SLAMF6: variants seen among roughly 807,000 people sequenced by gnomAD.
SLAMF6 encodes SLAM family member 6, also known as NK-T-B-antigen.
In SLAMF6, 21 loss-of-function variants were observed where a neutral mutation model predicts 38.3. The observed-to-expected ratio is 0.55, with a 90% confidence interval of 0.39 to 0.79. The LOEUF is 0.79. Among genes scored for constraint, SLAMF6 ranks in the 30% least tolerant of loss-of-function variants. The probability of loss-of-function intolerance (pLI) is 0.00; values close to 1 mark genes in which losing one functional copy is unlikely to be tolerated. For synonymous variants in SLAMF6, 152 were observed against 146.3 expected (o/e 1.04, Z -0.28); for missense variants, 341 against 385.3 (o/e 0.89, Z 0.96).
At chr1:160,504,883 T>G (rs995619067) in intron 1 of SLAMF6, among the ~76,000 whole-genome samples, 5 of 152,140 alleles carry the variant, frequency 3.3e-5, no homozygotes, top group Admixed American at 1.3e-4. Flanking sequence ...CTTAGAAAAG[T>G]TCTGAGAAGA....
At chr1:160,490,299 A>T in intron 4 of SLAMF6, 63 bp from the exon 5 acceptor site, 4 of 1,608,520 alleles carry the variant, frequency 2.5e-6, no homozygotes, top group Non-Finnish European at 3.4e-6. Flanking sequence ...TTCACCCCTA[A>T]CCCCGTGAGT....
At chr1:160,491,485 C>G in intron 2 of SLAMF6, 97 bp from the exon 3 acceptor site, 1 of 1,506,296 alleles carries the variant, frequency 6.6e-7, no homozygotes, top group Non-Finnish European at 8.9e-7. Flanking sequence ...TGTATTTCAC[C>G]TTTGCTGTGT....
At position 160,489,085 on chromosome 1, in the gene SLAMF6, C is replaced by T. The variant is rs750283156; in HGVS notation, c.879+3G>A. 26 of 1,611,798 alleles carry T rather than the reference C, an allele frequency of 1.6e-5. No homozygotes were observed. The highest frequency in any genetic ancestry group is 2.0e-5 in the Non-Finnish European group (23 of 1,178,098). ...AATGGCATATAAAGCTGAAAAGACTCACCCTGTTTGAATGAGTGACTGAAG... is the reference window on the plus strand; with the variant it reads ...AATGGCATATAAAGCTGAAAAGACTTACCCTGTTTGAATGAGTGACTGAAG... On this transcript the variant is annotated splice_donor_region_variant and intron_variant, in intron 6 of 7. Transcript: ENST00000368057.
At chr1:160,500,127 C>T (rs781764744) in intron 1 of SLAMF6, among the ~76,000 whole-genome samples, 3 of 152,176 alleles carry the variant, frequency 2.0e-5, no homozygotes, top group East Asian at 3.8e-4. Flanking sequence ...TGATAATGTC[C>T]TATCTCTAGA....
intron 1 of SLAMF6, among the ~76,000 whole-genome samples, chr1:160,496,803 G>T (rs1482138180): frequency 5.9e-5 from 9 of 152,188 alleles, no homozygotes; most frequent in Admixed American, 5.9e-4. Flanking sequence ...GATATTTACT[G>T]ATTACTTACT....
rs531947851 is a variant in SLAMF6, at chr1:160,487,842, C to A, written c.880-667G>T. Among the ~76,000 whole-genome samples, 55 of 152,298 alleles carry A rather than the reference C, an allele frequency of 3.6e-4. 1 individual carries two copies. Among genetic ancestry groups the A allele is most frequent in the African/African-American group, 1.3e-3 (54 of 41,568 alleles). ...CAGTGGCTCATGCCTGTAAACCCAA[C>A]ACTTTGGGAGGACGAGGCAGGCGGA... On this transcript the variant is annotated intron_variant, in intron 6 of 7. Coordinates refer to ENST00000368057, the MANE Select transcript of SLAMF6 (RefSeq NM_001184714.2).
rs142526497 is a variant in SLAMF6 at position 160,516,973 on chromosome 1, C to T, written c.49+6171G>A. On this transcript the variant is annotated intron_variant, in intron 1 of 7. Coordinates refer to ENST00000368057, the MANE Select transcript of SLAMF6 (RefSeq NM_001184714.2). ...GGGCAAAGATTTCATTATGAAATCA[C>T]TGAAAGCAATTGCAACAAAAGCAAA... is the stretch of plus-strand genomic sequence containing the variant. 1.3e-5 allele frequency among the ~76,000 whole-genome samples: 2 copies of T among 152,026 alleles called. 1 individual carries two copies. The highest frequency in any genetic ancestry group is 4.1e-4 in the South Asian group (2 of 4,822).
intron 2 of SLAMF6, among the ~76,000 whole-genome samples, chr1:160,492,823 T>C (rs1344283349): frequency 6.6e-6 from 1 of 152,142 alleles, no homozygotes; most frequent in East Asian, 1.9e-4. Context: ...CTTCATCTCA[T>C]ACTCCCACAT....
At chr1:160,506,271 G>A (rs959877324) in intron 1 of SLAMF6, among the ~76,000 whole-genome samples, 1 of 151,964 alleles carries the variant, frequency 6.6e-6, no homozygotes, top group African/African-American at 2.4e-5. Context: ...TGCAACAAGA[G>A]AAAGCAACTA....
At chr1:160,491,082 C>T (rs1012494894) in intron 3 of SLAMF6, 43 bp downstream of exon 3, 1 of 1,609,136 alleles carries the variant, frequency 6.2e-7, no homozygotes, top group Non-Finnish European at 8.5e-7. Context: ...CGCGTTAAAC[C>T]CCATAGCTGC....
At chr1:160,492,004 G>C (rs1156714263) in intron 2 of SLAMF6, among the ~76,000 whole-genome samples, 3 of 152,164 alleles carry the variant, frequency 2.0e-5, no homozygotes, top group African/African-American at 7.2e-5. Flanking sequence ...CAAAGAAGTG[G>C]GGAAGGAAGA....
intron 1 of SLAMF6, among the ~76,000 whole-genome samples, chr1:160,509,914 G>A (rs181008387): frequency 3.0e-4 from 45 of 152,026 alleles, no homozygotes; most frequent in African/African-American, 1.0e-3. Flanking sequence ...ACATAGAAGT[G>A]GAGACATTAC....
chr1:160,500,878 G>A (rs1023722090), intron 1 of SLAMF6, among the ~76,000 whole-genome samples: 1 of 152,130 alleles, frequency 6.6e-6, no homozygotes, highest in Admixed American at 6.6e-5. Context: ...CTCACCAGGA[G>A]CTGTTCTTCC....
intron 2 of SLAMF6, among the ~76,000 whole-genome samples, chr1:160,494,219 G>GTA (rs757638295): frequency 9.9e-5 from 15 of 152,240 alleles, no homozygotes; most frequent in Non-Finnish European, 1.9e-4. Context: ...AGTTCTCTGT[G>GTA]TATGTGACTT....
intron 6 of SLAMF6, among the ~76,000 whole-genome samples, chr1:160,488,574 G>C (rs1184037777): frequency 6.6e-6 from 1 of 152,064 alleles, no homozygotes; most frequent in Non-Finnish European, 1.5e-5. Context: ...AGATGAGAGG[G>C]GAGGGGTGAA....
intron 7 of SLAMF6, 120 bp downstream of exon 7, chr1:160,486,984 C>T (rs1557931854): frequency 1.4e-5 from 14 of 993,512 alleles, no homozygotes; most frequent in Non-Finnish European, 1.8e-5. Context: ...TGAGACTTTC[C>T]GCATGCTGCT....
At chr1:160,522,445 T>G (rs1425543704) in intron 1 of SLAMF6, among the ~76,000 whole-genome samples, 1 of 152,166 alleles carries the variant, frequency 6.6e-6, no homozygotes, top group African/African-American at 2.4e-5. Flanking sequence ...AATGCTACAC[T>G]TTGTCTCCCG....
At chr1:160,494,453 G>A (rs1173124099) in intron 2 of SLAMF6, among the ~76,000 whole-genome samples, 3 of 152,156 alleles carry the variant, frequency 2.0e-5, no homozygotes, top group Middle Eastern at 3.2e-3. Flanking sequence ...CACCCAGGGT[G>A]ATTCTGCCTG....
intron 1 of SLAMF6, among the ~76,000 whole-genome samples, chr1:160,506,508 G>A (rs1278321197): frequency 2.0e-5 from 3 of 152,142 alleles, no homozygotes; most frequent in Non-Finnish European, 4.4e-5. Context: ...GACTTGTACT[G>A]TAAGAAATAC....
Sources: gnomAD v4.1 joint callset for allele counts (sites outside exome capture counted in the v4.1 genomes callset) on GRCh38, gnomAD v4.1.1 for gene constraint, MANE v1.5 for transcripts, NCBI Gene and HGNC (gene_info 2026-07-23, HGNC 2026-07-21) for gene names.